The following ZCCHC14 variants were observed in gnomAD, a reference collection of about 807,000 sequenced individuals.
ZCCHC14 encodes zinc finger CCHC-type containing 14, also known as zinc finger CCHC domain-containing protein 14.
A neutral mutation model predicts 85.0 loss-of-function variants in ZCCHC14; 16 were observed. That is an observed-to-expected ratio of 0.19 (90% CI 0.13 to 0.29). The LOEUF is 0.29. Among genes scored for constraint, ZCCHC14 ranks in the 10% least tolerant of loss-of-function variants. The pLI is 1.00. For missense variants in ZCCHC14, 1,303 were observed against 1,443.5 expected (o/e 0.90, Z 1.58); for synonymous variants, 775 against 630.7 (o/e 1.23, Z -3.43).
rs551577476 is a variant in ZCCHC14 at position 87,463,835 on chromosome 16, AAAAC to A, written c.571-3708_571-3705del. 3.8e-3 allele frequency among the ~76,000 whole-genome samples: 573 copies of A among 152,280 alleles called. 1 individual carries two copies. The highest frequency in any genetic ancestry group is 0.012 in the African/African-American group (487 of 41,554). On this transcript the variant is annotated intron_variant, in intron 1 of 12. Transcript: ENST00000671377. Reference sequence around the variant, plus strand: ...GCAAGACTCCGTCTCAGGAGAAAAAAAAACAAACAGAGTCTCTTCTGTCACTCAG... The same window carrying A: ...GCAAGACTCCGTCTCAGGAGAAAAAAAAACAGAGTCTCTTCTGTCACTCAG...
intron 1 of ZCCHC14, among the ~76,000 whole-genome samples, chr16:87,482,633 A>G (rs1291444252): frequency 6.6e-6 from 1 of 152,344 alleles, no homozygotes; most frequent in South Asian, 2.1e-4. Flanking sequence ...GGCCAACATG[A>G]GGTCATATGG....
At chr16:87,444,760 G>C (rs764489919) in intron 2 of ZCCHC14, among the ~76,000 whole-genome samples, 14 of 152,164 alleles carry the variant, frequency 9.2e-5, no homozygotes, top group Non-Finnish European at 1.3e-4. Flanking sequence ...GAAGATGGAG[G>C]AGCAGCTACT....
chr16:87,470,189 G>C (rs151057554), intron 1 of ZCCHC14, among the ~76,000 whole-genome samples: 11 of 152,184 alleles, frequency 7.2e-5, no homozygotes, highest in Non-Finnish European at 1.6e-4. Flanking sequence ...GAAATTACCC[G>C]AGTGTGGTGG....
rs963477059 is a variant in ZCCHC14 at position 87,461,114 on chromosome 16, A to G, written c.571-983T>C. On this transcript the variant is annotated intron_variant, in intron 1 of 12. Coordinates refer to ENST00000671377, the MANE Select transcript of ZCCHC14 (RefSeq NM_015144.3). ...TACCTGCAGGTGACGGCCGCCCCCAAGCTGTGGGTGGGGGAGGCCCTCCTG... is the reference window on the plus strand; with the variant it reads ...TACCTGCAGGTGACGGCCGCCCCCAGGCTGTGGGTGGGGGAGGCCCTCCTG... 3.9e-5 allele frequency among the ~76,000 whole-genome samples: 6 copies of G among 152,332 alleles called. No homozygotes were observed. The East Asian group carries it at 7.7e-4, about 20-fold the overall frequency.
At position 87,409,158 on chromosome 16, in the gene ZCCHC14, C is replaced by G. The variant is rs918190363; in HGVS notation, c.*1122G>C. 1 of 152,158 alleles carries G rather than the reference C, an allele frequency of 6.6e-6. No homozygotes were observed. The highest frequency in any genetic ancestry group is 2.4e-5 in the African/African-American group (1 of 41,398). The allele number at this position is 152,158 out of a possible 1,614,324, so 9.4% of individuals were successfully genotyped here. A position where few individuals can be genotyped will look rare whatever the true frequency, so the allele number is the denominator to read the frequency against. ...CCACTGTTTTCCAAGTAATTTTTAACGGAATTAACTATCAATACACAGCCT... is the reference window on the plus strand; with the variant it reads ...CCACTGTTTTCCAAGTAATTTTTAAGGGAATTAACTATCAATACACAGCCT... On this transcript the variant is annotated 3_prime_UTR_variant, in exon 13 of 13. Transcript: ENST00000671377.
In ZCCHC14 at chr16:87,491,385, G is replaced by A. The variant is rs1912758996; in HGVS notation, c.570+284C>T. 6.9e-6 allele frequency among the ~76,000 whole-genome samples: 1 copy of A among 144,852 alleles called. No individual in the cohort carries two copies. Among genetic ancestry groups the A allele is most frequent in the Non-Finnish European group, 1.5e-5 (1 of 67,420 alleles). Reference sequence around the variant, plus strand: ...GTGAGGAGTGCGGGCTTAGGATGGGGGCTTGGGATGTACGGCGGAGGCTTG... The same window carrying A: ...GTGAGGAGTGCGGGCTTAGGATGGGAGCTTGGGATGTACGGCGGAGGCTTG... On this transcript the variant is annotated intron_variant, in intron 1 of 12. Transcript: ENST00000671377. This position sits in a 1 kb window ranked among gnomAD's most constrained non-coding sequence, Gnocchi z 5.9.
chr16:87,465,903 C>T (rs1911497150), intron 1 of ZCCHC14, among the ~76,000 whole-genome samples: 1 of 152,190 alleles, frequency 6.6e-6, no homozygotes, highest in African/African-American at 2.4e-5. Context: ...TGGGCTCAAG[C>T]CATCCTCCCG....
chr16:87,459,908 T>A (rs1264617363), intron 2 of ZCCHC14, 100 bp downstream of exon 2: 2 of 1,526,736 alleles, frequency 1.3e-6, no homozygotes, highest in East Asian at 2.3e-5. Flanking sequence ...TTGGCATTTA[T>A]GAAAGATCTG....
chr16:87,454,223 G>A (rs1386739607), intron 2 of ZCCHC14, among the ~76,000 whole-genome samples: 1 of 152,156 alleles, frequency 6.6e-6, no homozygotes, highest in Non-Finnish European at 1.5e-5. Context: ...GAGAAGAGGA[G>A]GAGAATGAGG....
At chr16:87,454,754 T>C (rs1000227606) in intron 2 of ZCCHC14, among the ~76,000 whole-genome samples, 5 of 152,248 alleles carry the variant, frequency 3.3e-5, no homozygotes, top group African/African-American at 1.2e-4. Flanking sequence ...TTTCTTAGAA[T>C]AGATGCAAAA....
intron 2 of ZCCHC14, among the ~76,000 whole-genome samples, chr16:87,458,100 GAAAA>G: frequency 6.9e-6 from 1 of 144,868 alleles, no homozygotes; most frequent in South Asian, 2.2e-4. Context: ...AAATTATACA[GAAAA>G]AAAAAAAAAA....
chr16:87,445,858 C>A (rs780385033), intron 2 of ZCCHC14, among the ~76,000 whole-genome samples: 2 of 151,392 alleles, frequency 1.3e-5, no homozygotes, highest in Non-Finnish European at 3.0e-5. Context: ...TGAGGGAAAA[C>A]TAATTTTTTA....
At chr16:87,484,636 T>C (rs1453598116) in intron 1 of ZCCHC14, among the ~76,000 whole-genome samples, 1 of 152,214 alleles carries the variant, frequency 6.6e-6, no homozygotes, top group Non-Finnish European at 1.5e-5. Context: ...TATTCGCGGG[T>C]ACCAGCGCCA....
chr16:87,443,444 T>A (rs1028825497), intron 2 of ZCCHC14, among the ~76,000 whole-genome samples: 1 of 152,316 alleles, frequency 6.6e-6, no homozygotes, highest in South Asian at 2.1e-4. Context: ...ATTTAAAAGA[T>A]GCTGACAGTG....
Position 87,408,444 on chromosome 16 carries a change from T to G in ZCCHC14, c.*1836A>C, listed in dbSNP as rs1157178425. 6.6e-6 allele frequency: 1 copy of G among 152,614 alleles called. No individual in the cohort carries two copies. The highest frequency in any genetic ancestry group is 6.5e-5 in the Admixed American group (1 of 15,280). The allele number at this position is 152,614 out of a possible 1,614,324, so 9.5% of individuals were successfully genotyped here. A position where few individuals can be genotyped will look rare whatever the true frequency, so the allele number is the denominator to read the frequency against. ...TTAAACGTAATATGAGAAGGTCCAG[T>G]CTAGTACTCTTTAAGGCAAAGTTGT... On this transcript the variant is annotated 3_prime_UTR_variant, in exon 13 of 13. Transcript: ENST00000671377.
At chr16:87,430,624 C>T (rs1000416857) in intron 3 of ZCCHC14, among the ~76,000 whole-genome samples, 37 of 151,602 alleles carry the variant, frequency 2.4e-4, no homozygotes, top group Admixed American at 1.4e-3. Flanking sequence ...CAGGTTCAAG[C>T]GATTCCCCGG....
Position 87,463,590 on chromosome 16 carries a change from G to A in ZCCHC14, c.571-3459C>T, listed in dbSNP as rs1285283517. Among the ~76,000 whole-genome samples, 4 of 151,970 alleles carry A rather than the reference G, an allele frequency of 2.6e-5. No homozygotes were observed. The South Asian group carries it at 6.2e-4, about 24-fold the overall frequency. On this transcript the variant is annotated intron_variant, in intron 1 of 12. Transcript: ENST00000671377. ...TCCCAGCACTCTGGGAGGCCGAGGC[G>A]GACAGATCACCTGAGGTCAGGAGTT...
chr16:87,456,606 C>G (rs1282186293), intron 2 of ZCCHC14, among the ~76,000 whole-genome samples: 1 of 134,962 alleles, frequency 7.4e-6, no homozygotes, highest in Admixed American at 7.6e-5. Flanking sequence ...AATTCATGTT[C>G]TAATTGGTTG....
chr16:87,488,967 A>T (rs923614153), intron 1 of ZCCHC14, among the ~76,000 whole-genome samples: 1 of 82,228 alleles, frequency 1.2e-5, no homozygotes, highest in African/African-American at 1.2e-4. Context: ...CTAAGCTCAA[A>T]GAGTTCAAAA....
Sources: allele counts gnomAD v4.1 joint callset (sites outside exome capture counted in the v4.1 genomes callset), GRCh38; gene constraint gnomAD v4.1.1; non-coding constraint Gnocchi (gnomAD v3.1); transcripts MANE v1.5; gene names NCBI Gene and HGNC (gene_info 2026-07-23, HGNC 2026-07-21).